Variants in ATP10D observed in about 807,000 individuals in gnomAD.
ATP10D encodes ATPase phospholipid transporting 10D (putative).
A neutral mutation model predicts 144.8 loss-of-function variants in ATP10D; 89 were observed. That is an observed-to-expected ratio of 0.61 (90% CI 0.52 to 0.73). The LOEUF (loss-of-function observed/expected upper bound fraction) is 0.73. Among genes scored for constraint, ATP10D ranks in the 30% least tolerant of loss-of-function variants. ATP10D has a pLI of 0.00. For synonymous variants in ATP10D, 571 were observed against 615.1 expected (o/e 0.93, Z 1.06); for missense variants, 1,603 against 1,714.8 (o/e 0.93, Z 1.15).
At chr4:47,557,540 TG>T in intron 11 of ATP10D, 123 bp from the exon 12 acceptor site, 1 of 939,548 alleles carries the variant, frequency 1.1e-6, no homozygotes, top group Non-Finnish European at 1.5e-6. Context: ...AAATAGAGAA[TG>T]GGCTGCTAGC....
Position 47,515,632 on chromosome 4 carries a change from C to G in ATP10D, c.447C>G (p.Asp149Glu). 1 of 1,611,098 alleles carries G rather than the reference C, an allele frequency of 6.2e-7. No individual in the cohort carries two copies. The highest frequency in any genetic ancestry group is 8.5e-7 in the Non-Finnish European group (1 of 1,177,404). ...AAGATTATCGGAAATACAAAATTGA[C>G]AAACAGATCAATAATTTAATAACTA... ...GLEDYRKYKIDKQINNLITKV... is the reference protein window; with the variant it reads ...GLEDYRKYKIEKQINNLITKV... Residue 149 changes from aspartate (D) to glutamate (E), a missense_variant, in exon 3 of 23, where the codon GAC becomes GAG. Asp to Glu is a conservative substitution (Grantham distance 45). Transcript: ENST00000273859.
At position 47,591,026 on chromosome 4, in the gene ATP10D, G is replaced by T; in HGVS notation, c.3942-16G>T. 1 of 1,469,806 alleles carries T rather than the reference G, an allele frequency of 6.8e-7. No homozygotes were observed. Among genetic ancestry groups the T allele is most frequent in the Non-Finnish European group, 9.2e-7 (1 of 1,083,868 alleles). The allele number at this position is 1,469,806 out of a possible 1,614,324, so 91.0% of individuals were successfully genotyped here. ...TTGAGATGAATTTAATTCTAATGAT[G>T]TTCCTTGTCACCTAGGTTTGTATAC... On this transcript the variant is annotated splice_polypyrimidine_tract_variant and intron_variant, in intron 22 of 22. Coordinates refer to ENST00000273859, the MANE Select transcript of ATP10D (RefSeq NM_020453.4).
intron 20 of ATP10D, among the ~76,000 whole-genome samples, 191 bp downstream of exon 20, chr4:47,580,669 T>C (rs1443589323): frequency 1.8e-4 from 27 of 152,242 alleles, no homozygotes; most frequent in Admixed American, 1.8e-3. Flanking sequence ...CATACATAGT[T>C]TGAGTCCTCT....
At chr4:47,538,161 C>T (rs558029357) in intron 9 of ATP10D, among the ~76,000 whole-genome samples, 2 of 152,216 alleles carry the variant, frequency 1.3e-5, no homozygotes, top group South Asian at 2.1e-4. Flanking sequence ...TAATTTGTCT[C>T]TGCTTAGTGA....
chr4:47,563,500 A>T, intron 14 of ATP10D, 81 bp from the exon 15 acceptor site: 1 of 1,287,386 alleles, frequency 7.8e-7, no homozygotes, highest in Non-Finnish European at 1.1e-6. Flanking sequence ...TGGCTAACAG[A>T]TATGATTCAA....
chr4:47,579,681 G>A (rs1216621651), intron 19 of ATP10D, among the ~76,000 whole-genome samples: 5 of 152,180 alleles, frequency 3.3e-5, no homozygotes, highest in Non-Finnish European at 7.3e-5. Flanking sequence ...GAATCAAAAC[G>A]GCAAGAAGTA....
intron 10 of ATP10D, among the ~76,000 whole-genome samples, chr4:47,551,260 T>A (rs1718721002): frequency 6.6e-6 from 1 of 152,142 alleles, no homozygotes; most frequent in African/African-American, 2.4e-5. Flanking sequence ...GAAGGCATAA[T>A]AGGAATTATG....
At chr4:47,549,191 T>G (rs1351477550) in intron 10 of ATP10D, among the ~76,000 whole-genome samples, 1 of 152,232 alleles carries the variant, frequency 6.6e-6, no homozygotes, top group African/African-American at 2.4e-5. Context: ...CTGGAGTTTT[T>G]CATTCAACAA....
chr4:47,579,278 T>C (rs2109472372), intron 19 of ATP10D, among the ~76,000 whole-genome samples: 1 of 152,384 alleles, frequency 6.6e-6, no homozygotes, highest in East Asian at 1.9e-4. Flanking sequence ...ATGTGAATAC[T>C]TTATTAACCC....
chr4:47,537,368 G>T (rs1343845347), intron 9 of ATP10D, among the ~76,000 whole-genome samples: 1 of 152,114 alleles, frequency 6.6e-6, no homozygotes, highest in East Asian at 1.9e-4. Context: ...TAAGCAAAAT[G>T]AGCTGAACTT....
intron 2 of ATP10D, among the ~76,000 whole-genome samples, chr4:47,514,046 C>T (rs1292376585): frequency 6.6e-6 from 1 of 152,092 alleles, no homozygotes; most frequent in Non-Finnish European, 1.5e-5. Context: ...ACCAGAAGTA[C>T]TAACAGAAAA....
In ATP10D at chr4:47,568,854, G is replaced by T. The variant is rs553605399; in HGVS notation, c.2871G>T (p.Leu957=). The T allele has an allele frequency of 6.2e-7, 1 of 1,613,868 alleles. No homozygotes were observed. Among genetic ancestry groups the T allele is most frequent in the Non-Finnish European group, 8.5e-7 (1 of 1,179,924 alleles). The change falls in exon 16 of 23, where the codon CTG becomes CTT. Residue 957 remains leucine, a synonymous_variant. Coordinates refer to ENST00000273859, the MANE Select transcript of ATP10D (RefSeq NM_020453.4). Reference sequence around the variant, plus strand: ...GTTTCAAGGATGCCTGTGGGATGCTGATGAGCACAATTTTGAAAGAACTTC... The same window carrying T: ...GTTTCAAGGATGCCTGTGGGATGCTTATGAGCACAATTTTGAAAGAACTTC... The part of the protein sequence containing the change: ...NTQSKDACGM[L]MSTILKELQK...
intron 21 of ATP10D, among the ~76,000 whole-genome samples, chr4:47,582,413 G>A (rs1187043339): frequency 6.6e-6 from 1 of 152,210 alleles, no homozygotes; most frequent in Admixed American, 6.5e-5. Flanking sequence ...TCCTGGTACA[G>A]TGACTTTAGG....
chr4:47,563,882 G>T lies in ATP10D; in HGVS notation c.2853+117G>T, dbSNP rs560180451. 128 of 1,078,230 alleles carry T rather than the reference G, an allele frequency of 1.2e-4. No individual in the cohort carries two copies. The African/African-American group carries it at 1.7e-3, about 15-fold the overall frequency. 66.8% of individuals were successfully genotyped at this position (1,078,230 alleles called of 1,614,324 possible). A position where few individuals can be genotyped will look rare whatever the true frequency, so the allele number is the denominator to read the frequency against. On this transcript the variant is annotated intron_variant, in intron 15 of 22. Coordinates refer to ENST00000273859, the MANE Select transcript of ATP10D (RefSeq NM_020453.4). The stretch of plus-strand genomic sequence containing the variant: ...AAAACAGCAACCGTTAGCTTTTTTT[G>T]TTGTTTGTTTGTTTGTTTTGGTTTT...
chr4:47,511,286 T>G (rs1716311721), intron 1 of ATP10D, among the ~76,000 whole-genome samples: 1 of 116,140 alleles, frequency 8.6e-6, no homozygotes, highest in South Asian at 2.6e-4. Flanking sequence ...AAAAGAACTG[T>G]TTTTTTTTCT....
At chr4:47,490,844 G>T (rs1369979331) in intron 1 of ATP10D, 8 of 360,412 alleles carry the variant, frequency 2.2e-5, no homozygotes, top group Non-Finnish European at 2.6e-5. Flanking sequence ...AAACTGTCTT[G>T]TGAAGCACAT....
chr4:47,590,083 A>C (rs1458098616), intron 22 of ATP10D, among the ~76,000 whole-genome samples: 1 of 152,128 alleles, frequency 6.6e-6, no homozygotes, highest in African/African-American at 2.4e-5. Flanking sequence ...AATGAGGAAC[A>C]TGCTTGGGAA....
chr4:47,563,915 C>T (rs552108210), intron 15 of ATP10D, 150 bp downstream of exon 15: 76 of 809,212 alleles, frequency 9.4e-5, no homozygotes, highest in South Asian at 2.9e-4. Context: ...TTTTTTGAGA[C>T]GGAATCTTGC....
chr4:47,565,242 G>A (rs1440698910), intron 15 of ATP10D, among the ~76,000 whole-genome samples: 2 of 152,168 alleles, frequency 1.3e-5, no homozygotes, highest in East Asian at 3.9e-4. Flanking sequence ...TTACAGGCGT[G>A]AGCCACCGCG....
Sources: allele counts gnomAD v4.1 joint callset (sites outside exome capture counted in the v4.1 genomes callset), GRCh38; gene constraint gnomAD v4.1.1; transcripts MANE v1.5; gene names NCBI Gene and HGNC (gene_info 2026-07-23, HGNC 2026-07-21).